Variants in GLCCI1 observed in about 807,000 individuals in gnomAD.
GLCCI1 encodes the protein glucocorticoid induced 1, also known as glucocorticoid-induced transcript 1 protein.
GLCCI1 carries 24 observed loss-of-function variants against 52.2 expected under a neutral mutation model. The ratio of observed to expected loss-of-function variants is 0.46; its 90% CI spans 0.33 to 0.65. The LOEUF is 0.65. Ranked by LOEUF, GLCCI1 falls within the 30% of genes least tolerant of loss-of-function variation. The pLI is 0.02. For synonymous variants in GLCCI1, 310 were observed against 276.5 expected, an observed-to-expected ratio of 1.12 and a Z score of -1.20; for missense variants, 704 against 701.5, an observed-to-expected ratio of 1.00 and a Z score of -0.04.
At chr7:8,061,278 T>C (rs1782508865) in intron 5 of GLCCI1, among the ~76,000 whole-genome samples, 1 of 152,006 alleles carries the variant, frequency 6.6e-6, no homozygotes, top group Admixed American at 6.6e-5. Context: ...TTTTTTGTAT[T>C]TTTAGTAGAG....
At chr7:7,974,424 T>G (rs987943929) in intron 1 of GLCCI1, among the ~76,000 whole-genome samples, 2 of 152,182 alleles carry the variant, frequency 1.3e-5, no homozygotes. Context: ...GGAAATCATT[T>G]TATTAATTAC....
chr7:8,035,117 A>G (rs1412374836), intron 3 of GLCCI1, among the ~76,000 whole-genome samples: 1 of 152,090 alleles, frequency 6.6e-6, no homozygotes, highest in Non-Finnish European at 1.5e-5. Flanking sequence ...GCAGCCACAT[A>G]GTGCTGGCTG....
chr7:8,010,088 A>G (rs1346413143), intron 2 of GLCCI1, among the ~76,000 whole-genome samples: 1 of 152,112 alleles, frequency 6.6e-6, no homozygotes, highest in Non-Finnish European at 1.5e-5. Flanking sequence ...ATACAGTTAG[A>G]TGCGATTTTC....
intron 2 of GLCCI1, among the ~76,000 whole-genome samples, chr7:8,004,414 A>G (rs1286954905): frequency 6.6e-6 from 1 of 152,214 alleles, no homozygotes; most frequent in Non-Finnish European, 1.5e-5. Context: ...TAATTTATAA[A>G]GTAGTAACAA....
intron 1 of GLCCI1, among the ~76,000 whole-genome samples, chr7:8,003,012 TTCG>T (rs1476690780): frequency 1.7e-4 from 26 of 152,238 alleles, no homozygotes; most frequent in Non-Finnish European, 1.5e-5. Flanking sequence ...ACTCAAATTC[TTCG>T]TCTGTGAATG....
chr7:7,992,795 A>G (rs1583953367), intron 1 of GLCCI1, among the ~76,000 whole-genome samples: 1 of 151,188 alleles, frequency 6.6e-6, no homozygotes, highest in South Asian at 2.1e-4. Context: ...TTTTCTTACC[A>G]TTTCCTATTT....
chr7:7,998,660 T>C (rs968712984), intron 1 of GLCCI1, among the ~76,000 whole-genome samples: 2 of 152,280 alleles, frequency 1.3e-5, no homozygotes, highest in Non-Finnish European at 2.9e-5. Context: ...TACCTTAGAG[T>C]GTTTTGTATT....
intron 2 of GLCCI1, among the ~76,000 whole-genome samples, chr7:8,011,467 T>C (rs1781260274): frequency 1.3e-5 from 2 of 152,218 alleles, no homozygotes; most frequent in Admixed American, 6.5e-5. Flanking sequence ...TAGCTGTGTG[T>C]CAAAATTTCC....
At chr7:8,066,091 C>G (rs535032071) in intron 5 of GLCCI1, among the ~76,000 whole-genome samples, 1 of 152,076 alleles carries the variant, frequency 6.6e-6, no homozygotes, top group African/African-American at 2.4e-5. Flanking sequence ...ATTATTGTTC[C>G]ATTCAGGGAT....
chr7:8,034,022 A>G (rs950389142), intron 3 of GLCCI1, among the ~76,000 whole-genome samples: 7 of 152,148 alleles, frequency 4.6e-5, no homozygotes, highest in African/African-American at 1.7e-4. Flanking sequence ...ACCTACATTA[A>G]TATAGTTAGT....
chr7:8,074,406 T>A (rs1782830098), intron 6 of GLCCI1, among the ~76,000 whole-genome samples: 1 of 152,180 alleles, frequency 6.6e-6, no homozygotes, highest in Admixed American at 6.5e-5. Flanking sequence ...TTGCTATTTT[T>A]AAATATACTA....
Position 8,087,895 on chromosome 7 carries a change from CAA to C in GLCCI1, c.*1359_*1360del, listed in dbSNP as rs1783151967. On this transcript the variant is annotated 3_prime_UTR_variant, in exon 8 of 8. Coordinates refer to ENST00000223145, the MANE Select transcript of GLCCI1 (RefSeq NM_138426.4). ...GCAGACTTTTGACACAAGTTCTCCA[CAA>C]AGTGTGAAGAGAGCCCCAGGCATTC... The C allele has an allele frequency of 4.6e-5, 7 of 152,730 alleles. No individual in the cohort carries two copies. The South Asian group carries it at 1.5e-3, about 32-fold the overall frequency. 9.5% of individuals were successfully genotyped at this position (152,730 alleles called of 1,614,324 possible).
intron 3 of GLCCI1, among the ~76,000 whole-genome samples, chr7:8,027,378 C>T (rs573336754): frequency 1.3e-5 from 2 of 152,216 alleles, no homozygotes; most frequent in African/African-American, 2.4e-5. Flanking sequence ...GTCCCAGCTA[C>T]TGGGGAGGCT....
At chr7:8,038,486 A>C (rs1781918424) in intron 3 of GLCCI1, among the ~76,000 whole-genome samples, 1 of 152,200 alleles carries the variant, frequency 6.6e-6, no homozygotes, top group Admixed American at 6.5e-5. Context: ...GACAAAGTTG[A>C]CAAAACATAT....
chr7:8,040,561 C>CACACACACACACACA (rs529858486), intron 3 of GLCCI1, among the ~76,000 whole-genome samples: 1 of 145,672 alleles, frequency 6.9e-6, no homozygotes, highest in South Asian at 2.1e-4. Context: ...CACACACACA[C>CACACACACACACACA]CAATGACTAT....
Position 7,981,258 on chromosome 7 carries a change from C to CTTTCTTTCTTTCTTTCTT in GLCCI1, c.457+11452_457+11453insTTCTTTCTTTCTTTCTTT, listed in dbSNP as rs1332928726. ...CTGTTATTTCTTTCTTTCTTTCTTT[C>CTTTCTTTCTTTCTTTCTT]TCTTTTTTTCTTTCTTTCTTTCTTT... On this transcript the variant is annotated intron_variant, in intron 1 of 7. Coordinates refer to ENST00000223145, the MANE Select transcript of GLCCI1 (RefSeq NM_138426.4). 1.5e-3 allele frequency: 368 copies of CTTTCTTTCTTTCTTTCTT among 246,614 alleles called. 3 individuals are homozygous for CTTTCTTTCTTTCTTTCTT. The highest frequency in any genetic ancestry group is 8.5e-3 in the African/African-American group (349 of 41,072). 15.3% of individuals were successfully genotyped at this position (246,614 alleles called of 1,614,324 possible). A position where few individuals can be genotyped will look rare whatever the true frequency, so the allele number is the denominator to read the frequency against.
intron 1 of GLCCI1, among the ~76,000 whole-genome samples, chr7:7,976,479 C>CAAAAAAAAAAAAAAAAAAAAAAAA (rs35255634): frequency 1.6e-4 from 4 of 24,682 alleles, no homozygotes; most frequent in African/African-American, 4.0e-4. Context: ...AACTCCATCT[C>CAAAAAAAAAAAAAAAAAAAAAAAA]AAAAAAAAAA....
chr7:7,998,843 T>C lies in GLCCI1; in HGVS notation c.458-5065T>C, dbSNP rs144228463. On this transcript the variant is annotated intron_variant, in intron 1 of 7. Transcript: ENST00000223145. ...GCAGCAGGATATTTTCTAGAGTGTA[T>C]AGTCAAGCTTTTAATGTCTCTAAAT... Among the ~76,000 whole-genome samples, 761 of 152,330 alleles carry C rather than the reference T, an allele frequency of 5.0e-3. 1 individual carries two copies. The highest frequency in any genetic ancestry group is 9.2e-3 in the Admixed American group (141 of 15,298).
At chr7:7,992,990 C>T (rs1255152946) in intron 1 of GLCCI1, among the ~76,000 whole-genome samples, 1 of 152,000 alleles carries the variant, frequency 6.6e-6, no homozygotes, top group Non-Finnish European at 1.5e-5. Flanking sequence ...GGTTTTTCAT[C>T]ACTGTTGTCA....
Sources: gnomAD v4.1 joint callset for allele counts (sites outside exome capture counted in the v4.1 genomes callset) on GRCh38, gnomAD v4.1.1 for gene constraint, MANE v1.5 for transcripts, NCBI Gene and HGNC (gene_info 2026-07-23, HGNC 2026-07-21) for gene names.